ZNF543: variants seen among roughly 807,000 people sequenced by gnomAD.
The protein encoded by ZNF543 is zinc finger protein 543.
Under a neutral mutation model 13.4 loss-of-function variants are expected in ZNF543, and 10 were observed. That is an observed-to-expected ratio of 0.75 (90% CI 0.46 to 1.26). The LOEUF (loss-of-function observed/expected upper bound fraction) is 1.26, where lower values mean the gene tolerates loss of function less well. ZNF543 is among the 50% of genes most tolerant of loss of function. The probability of loss-of-function intolerance (pLI) is 0.00; values close to 1 mark genes in which losing one functional copy is unlikely to be tolerated. For synonymous variants in ZNF543, 272 were observed against 264.7 expected (o/e 1.03, Z -0.27); for missense variants, 768 against 741.2 (o/e 1.04, Z -0.42).
rs2088145959 is a variant in ZNF543 at position 57,329,081 on chromosome 19, G to A, written c.1619G>A (p.Cys540Tyr). The A allele has an allele frequency of 1.9e-6, 3 of 1,614,226 alleles. No homozygotes were observed. The East Asian group carries it at 6.7e-5, about 36-fold the overall frequency. Residue 540 changes from cysteine (C) to tyrosine (Y), a missense_variant, in exon 4 of 4, where the codon TGT (cysteine) becomes TAT (tyrosine). By Grantham distance (194) the Cys-to-Tyr change is radical. Transcript: ENST00000321545. ...GAGAAGCCGTATGAATGCAGTGAGT[G>A]TGGAAAGGCTTTTAATCGCGGCTCA... ...TGEKPYECSE[C>Y]GKAFNRGSSL...
Position 57,329,003 on chromosome 19 carries a change from A to G in ZNF543, c.1541A>G (p.Lys514Arg). 1 of 1,614,172 alleles carries G rather than the reference A, an allele frequency of 6.2e-7. No homozygotes were observed. Among genetic ancestry groups the G allele is most frequent in the Non-Finnish European group, 8.5e-7 (1 of 1,180,024 alleles). ...EKPYECIQCG[K>R]AFCRSANLIR... ...CCCTATGAATGCATCCAGTGTGGGA[A>G]AGCCTTTTGCCGGAGCGCAAACCTT... Residue 514 changes from lysine (K) to arginine (R), a missense_variant, in exon 4 of 4, where the codon AAA becomes AGA. Physicochemically the swap from Lys to Arg is conservative, Grantham distance 26. This residue lies in a region of ZNF543 where 677 missense variants were observed against 631.4 expected (regional missense o/e 1.07). Coordinates refer to ENST00000321545, the MANE Select transcript of ZNF543 (RefSeq NM_213598.4).
chr19:57,325,470 T>C (rs1477773367), intron 2 of ZNF543, among the ~76,000 whole-genome samples: 2 of 152,182 alleles, frequency 1.3e-5, no homozygotes, highest in South Asian at 2.1e-4. Flanking sequence ...GAAGGAAATA[T>C]ATTATCTCAC....
chr19:57,321,383 A>G (rs1009884435), intron 1 of ZNF543, among the ~76,000 whole-genome samples: 16 of 152,366 alleles, frequency 1.1e-4, no homozygotes, highest in African/African-American at 3.4e-4. Flanking sequence ...AATTCCGGCT[A>G]AAGTGGCGCC....
Position 57,327,752 on chromosome 19 carries a change from C to T in ZNF543, c.290C>T (p.Ala97Val), listed in dbSNP as rs776561724. 1 of 1,613,512 alleles carries T rather than the reference C, an allele frequency of 6.2e-7. No individual in the cohort carries two copies. The highest frequency in any genetic ancestry group is 8.5e-7 in the Non-Finnish European group (1 of 1,179,864). The change falls in exon 4 of 4, where the codon GCC becomes GTC. Residue 97 changes from alanine to valine, a missense_variant. Ala to Val is a moderately conservative substitution (Grantham distance 64). Coordinates refer to ENST00000321545, the MANE Select transcript of ZNF543 (RefSeq NM_213598.4). Reference protein sequence around the residue: ...KTTEPTFSHLALPEEVLLQEQ... With the variant: ...KTTEPTFSHLVLPEEVLLQEQ... ...ACAGAGCCTACCTTTTCTCACCTGGCCTTGCCTGAGGAAGTCTTACTCCAG... is the reference window on the plus strand; with the variant it reads ...ACAGAGCCTACCTTTTCTCACCTGGTCTTGCCTGAGGAAGTCTTACTCCAG...
chr19:57,328,143 T>C lies in ZNF543; in HGVS notation c.681T>C (p.Tyr227=), dbSNP rs558684501. 2.2e-5 allele frequency: 35 copies of C among 1,614,234 alleles called. 1 individual carries two copies. The South Asian group carries it at 3.6e-4, about 17-fold the overall frequency. ...HERIHTQVKP[Y]ECTECGKTFS... is the part of the protein sequence containing the mutation. The stretch of plus-strand genomic sequence containing the variant: ...GGATTCACACTCAAGTGAAGCCCTA[T>C]GAATGCACAGAGTGTGGGAAAACCT... Residue 227 remains tyrosine (Y), a synonymous_variant, in exon 4 of 4, where the codon TAT becomes TAC. Coordinates refer to ENST00000321545, the MANE Select transcript of ZNF543 (RefSeq NM_213598.4).
At position 57,330,532 on chromosome 19, in the gene ZNF543, GT is replaced by G. The variant is rs1166864473; in HGVS notation, c.*1268del. 1 of 152,098 alleles carries G rather than the reference GT, an allele frequency of 6.6e-6. No individual in the cohort carries two copies. Among genetic ancestry groups the G allele is most frequent in the East Asian group, 1.9e-4 (1 of 5,180 alleles). The allele number at this position is 152,098 out of a possible 1,614,324, so 9.4% of individuals were successfully genotyped here. On this transcript the variant is annotated 3_prime_UTR_variant, in exon 4 of 4. Transcript: ENST00000321545. ...ATGTCATTTTTAATCTTTTTAAAGA[GT>G]GTGTGAAAATTCACTTTAACTGGAA...
chr19:57,320,665 A>C lies in ZNF543; in HGVS notation c.-189A>C. On this transcript the variant is annotated 5_prime_UTR_variant, in exon 1 of 4. Transcript: ENST00000321545. ...GTTCCACCGGCGCCTGCCGAGGCCT[A>C]GGCCTCCGCAGCCGCCCTCCGTCTC... 1.6e-6 allele frequency: 1 copy of C among 614,462 alleles called. No individual in the cohort carries two copies. The highest frequency in any genetic ancestry group is 3.2e-5 in the East Asian group (1 of 30,780). The allele number at this position is 614,462 out of a possible 1,614,324, so 38.1% of individuals were successfully genotyped here.
rs1326181617 is a variant in ZNF543, at chr19:57,330,689, C to G, written c.*1424C>G. The G allele has an allele frequency of 6.6e-6, 1 of 151,992 alleles. No individual in the cohort carries two copies. The highest frequency in any genetic ancestry group is 1.5e-5 in the Non-Finnish European group (1 of 68,004). The allele number at this position is 151,992 out of a possible 1,614,324, so 9.4% of individuals were successfully genotyped here. A position where few individuals can be genotyped will look rare whatever the true frequency, so the allele number is the denominator to read the frequency against. On this transcript the variant is annotated 3_prime_UTR_variant, in exon 4 of 4. Coordinates refer to ENST00000321545, the MANE Select transcript of ZNF543 (RefSeq NM_213598.4). The stretch of plus-strand genomic sequence containing the variant: ...TAATTCCTTTTTTATATTTTTAAGA[C>G]TAGATTTTGAGCCATGTGATAGTTT...
chr19:57,321,446 G>A (rs2088089592), intron 1 of ZNF543, among the ~76,000 whole-genome samples: 2 of 152,312 alleles, frequency 1.3e-5, no homozygotes, highest in South Asian at 2.1e-4. Context: ...TAGAGAATCT[G>A]ACGATATTAA....
chr19:57,322,465 A>G (rs999067050), intron 1 of ZNF543, among the ~76,000 whole-genome samples: 1 of 146,736 alleles, frequency 6.8e-6, no homozygotes, highest in Non-Finnish European at 1.5e-5. Flanking sequence ...CCTGGGCAAA[A>G]TATTGAGACC....
intron 3 of ZNF543, 82 bp from the exon 4 acceptor site, chr19:57,327,622 G>A (rs1288371909): frequency 6.6e-7 from 1 of 1,513,098 alleles, no homozygotes; most frequent in Non-Finnish European, 8.8e-7. Flanking sequence ...TGGGATTACA[G>A]GTATGAATCA....
In ZNF543 at chr19:57,329,479, C is replaced by T; in HGVS notation, c.*214C>T. The T allele has an allele frequency of 5.7e-6, 3 of 526,884 alleles. No individual in the cohort carries two copies. The highest frequency in any genetic ancestry group is 9.6e-6 in the Non-Finnish European group (3 of 311,846). 32.6% of individuals were successfully genotyped at this position (526,884 alleles called of 1,614,324 possible). ...TAGGAAAACTTTCAGCCACATCTTT[C>T]TTCTTAGTTTACAGTGAAATATTAT... On this transcript the variant is annotated 3_prime_UTR_variant, in exon 4 of 4. Coordinates refer to ENST00000321545, the MANE Select transcript of ZNF543 (RefSeq NM_213598.4).
chr19:57,324,902 A>G (rs1213895669), intron 2 of ZNF543, among the ~76,000 whole-genome samples: 3 of 152,242 alleles, frequency 2.0e-5, no homozygotes, highest in African/African-American at 7.2e-5. Flanking sequence ...TTCTAAACTA[A>G]TGACTAAATT....
At position 57,326,287 on chromosome 19, in the gene ZNF543, C is replaced by T. The variant is rs954890620; in HGVS notation, c.146-346C>T. Reference sequence around the variant, plus strand: ...AACCTCCGCCTCCTGGGTTCAGCCTCCCGAGTAGCTGGGACTACAGGTACC... The same window carrying T: ...AACCTCCGCCTCCTGGGTTCAGCCTTCCGAGTAGCTGGGACTACAGGTACC... On this transcript the variant is annotated intron_variant, in intron 2 of 3. Coordinates refer to ENST00000321545, the MANE Select transcript of ZNF543 (RefSeq NM_213598.4). 3.3e-5 allele frequency among the ~76,000 whole-genome samples: 5 copies of T among 152,050 alleles called. No individual in the cohort carries two copies. The East Asian group carries it at 9.7e-4, about 29-fold the overall frequency.
intron 2 of ZNF543, among the ~76,000 whole-genome samples, chr19:57,325,173 C>T (rs367851715): frequency 2.0e-5 from 3 of 152,298 alleles, no homozygotes; most frequent in South Asian, 2.1e-4. Flanking sequence ...AGTAGGCAGG[C>T]TGGCATGTGC....
rs142752582 is a variant in ZNF543, at chr19:57,329,020, G to A, written c.1558G>A (p.Ala520Thr). ...GTGTGGGAAAGCCTTTTGCCGGAGC[G>A]CAAACCTTATTCGACACTCCATCAT... ...IQCGKAFCRSANLIRHSIIHT... is the reference protein window; with the variant it reads ...IQCGKAFCRSTNLIRHSIIHT... The change falls in exon 4 of 4, where the codon GCA (alanine) becomes ACA (threonine). Residue 520 changes from alanine to threonine, a missense_variant. Physicochemically the swap from Ala to Thr is moderately conservative, Grantham distance 58. This residue lies in a region of ZNF543 where 677 missense variants were observed against 631.4 expected (regional missense o/e 1.07). Coordinates refer to ENST00000321545, the MANE Select transcript of ZNF543 (RefSeq NM_213598.4). 5.1e-4 allele frequency: 820 copies of A among 1,613,808 alleles called. 5 individuals are homozygous for A. The highest frequency in any genetic ancestry group is 9.3e-4 in the Admixed American group (56 of 59,980).
intron 2 of ZNF543, among the ~76,000 whole-genome samples, chr19:57,324,063 A>C (rs1568508966): frequency 2.0e-5 from 3 of 151,992 alleles, no homozygotes; most frequent in African/African-American, 7.2e-5. Context: ...ATGAATAAAA[A>C]GGGCCAGGCC....
In ZNF543 at chr19:57,320,647, C is replaced by T. The variant is rs1207579128; in HGVS notation, c.-207C>T. 7.1e-6 allele frequency: 4 copies of T among 566,416 alleles called. No homozygotes were observed. The highest frequency in any genetic ancestry group is 6.4e-5 in the East Asian group (2 of 31,368). 35.1% of individuals were successfully genotyped at this position (566,416 alleles called of 1,614,324 possible). A position where few individuals can be genotyped will look rare whatever the true frequency, so the allele number is the denominator to read the frequency against. On this transcript the variant is annotated 5_prime_UTR_variant, in exon 1 of 4. Coordinates refer to ENST00000321545, the MANE Select transcript of ZNF543 (RefSeq NM_213598.4). ...CTTCTTCCCTAACGGGGTGTTCCAC[C>T]GGCGCCTGCCGAGGCCTAGGCCTCC... is the stretch of plus-strand genomic sequence containing the variant.
At position 57,327,797 on chromosome 19, in the gene ZNF543, C is replaced by T. The variant is rs779236747; in HGVS notation, c.335C>T (p.Ala112Val). 3 of 1,614,066 alleles carry T rather than the reference C, an allele frequency of 1.9e-6. No homozygotes were observed. The highest frequency in any genetic ancestry group is 1.1e-5 in the South Asian group (1 of 91,080). ...CTCCAGGAACAACTGACACAAGGAG[C>T]CTCAAAGAACTCCCAATTAGGGCAA... Reference protein sequence around the residue: ...VLLQEQLTQGASKNSQLGQSK... With the variant: ...VLLQEQLTQGVSKNSQLGQSK... The change falls in exon 4 of 4, where the codon GCC (alanine) becomes GTC (valine). Residue 112 changes from alanine to valine, a missense_variant. By Grantham distance (64) the Ala-to-Val change is moderately conservative (BLOSUM62 0). Around this residue, in one of 3 missense-constraint regions of ZNF543, gnomAD observed 677 missense variants for 631.4 expected, o/e 1.07. Coordinates refer to ENST00000321545, the MANE Select transcript of ZNF543 (RefSeq NM_213598.4).
Sources: gnomAD v4.1 joint callset for allele counts (sites outside exome capture counted in the v4.1 genomes callset) on GRCh38, gnomAD v4.1.1 for gene constraint, gnomAD v4.1.1 regional missense constraint, MANE v1.5 for transcripts, NCBI Gene and HGNC (gene_info 2026-07-23, HGNC 2026-07-21) for gene names.